Variants in PLXNA2 observed in about 807,000 individuals in gnomAD.
The protein encoded by PLXNA2 is plexin A2.
Under a neutral mutation model 193.5 loss-of-function variants are expected in PLXNA2, and 91 were observed. The ratio of observed to expected loss-of-function variants is 0.47; its 90% CI spans 0.40 to 0.56. The LOEUF (loss-of-function observed/expected upper bound fraction) is 0.56, where lower values mean the gene tolerates loss of function less well. PLXNA2 is among the 20% of genes least tolerant of loss of function. PLXNA2 has a pLI of 0.00. For synonymous variants in PLXNA2, 997 were observed against 1,027.3 expected, an observed-to-expected ratio of 0.97 and a Z score of 0.56; for missense variants, 1,995 against 2,503.2, an observed-to-expected ratio of 0.80 and a Z score of 4.33.
intron 4 of PLXNA2, among the ~76,000 whole-genome samples, chr1:208,107,510 G>A (rs1456274320): frequency 2.0e-5 from 3 of 152,110 alleles, no homozygotes; most frequent in African/African-American, 4.8e-5. Flanking sequence ...TCAAGCCTCC[G>A]CAGTCAGGAG....
At chr1:208,103,110 G>C (rs1291539300) in intron 5 of PLXNA2, 37 bp downstream of exon 5, 1 of 1,460,670 alleles carries the variant, frequency 6.8e-7, no homozygotes, top group Non-Finnish European at 9.6e-7. Context: ...CCGGTCTTCT[G>C]CATGCCAAAC....
At chr1:208,206,209 A>G (rs1343236161) in intron 3 of PLXNA2, among the ~76,000 whole-genome samples, 1 of 152,228 alleles carries the variant, frequency 6.6e-6, no homozygotes, top group African/African-American at 2.4e-5. Flanking sequence ...ACATCGATCC[A>G]GCTCTTGTTT....
intron 3 of PLXNA2, among the ~76,000 whole-genome samples, chr1:208,196,778 T>C (rs910077596): frequency 6.6e-6 from 1 of 152,156 alleles, no homozygotes; most frequent in African/African-American, 2.4e-5. Flanking sequence ...TTTGGAGAAA[T>C]TAATTTTATG....
At position 208,044,412 on chromosome 1, in the gene PLXNA2, C is replaced by T. The variant is rs551461019; in HGVS notation, c.3874+96G>A. 83 of 837,536 alleles carry T rather than the reference C, an allele frequency of 9.9e-5. 1 individual carries two copies. Among genetic ancestry groups the T allele is most frequent in the African/African-American group, 6.3e-4 (38 of 59,880 alleles). The allele number at this position is 837,536 out of a possible 1,614,324, so 51.9% of individuals were successfully genotyped here. ...TGGAATGCAGAGGCATGGCTGGCAG[C>T]GATGGGAGTAAAGATAGGAGTTGTC... On this transcript the variant is annotated intron_variant, in intron 20 of 31. Coordinates refer to ENST00000367033, the MANE Select transcript of PLXNA2 (RefSeq NM_025179.4). This position sits in a 1 kb window ranked among gnomAD's most constrained non-coding sequence, Gnocchi z 4.9.
chr1:208,114,493 A>G (rs1667579275), intron 4 of PLXNA2, among the ~76,000 whole-genome samples: 2 of 152,230 alleles, frequency 1.3e-5, no homozygotes, highest in Non-Finnish European at 2.9e-5. Context: ...AGCATTATCC[A>G]TAGGTGCCGG....
chr1:208,047,754 C>CA (rs1479055019), intron 17 of PLXNA2, among the ~76,000 whole-genome samples: 2 of 152,092 alleles, frequency 1.3e-5, no homozygotes, highest in East Asian at 3.8e-4. Context: ...TGTGAAATTG[C>CA]AAAAAAAGCT....
At chr1:208,138,229 G>A (rs1478024452) in intron 4 of PLXNA2, among the ~76,000 whole-genome samples, 1 of 152,146 alleles carries the variant, frequency 6.6e-6, no homozygotes, top group Non-Finnish European at 1.5e-5. Flanking sequence ...TATCCATGCA[G>A]CCACTCTCTC....
intron 20 of PLXNA2, 29 bp from the exon 21 acceptor site, chr1:208,043,232 G>A (rs557904637): frequency 3.4e-5 from 55 of 1,605,228 alleles, no homozygotes; most frequent in Middle Eastern, 1.7e-4. Flanking sequence ...GGAGAGGCTC[G>A]TGGGGAAGCC....
chr1:208,188,724 A>AAG (rs1572012911), intron 3 of PLXNA2, among the ~76,000 whole-genome samples: 1 of 151,294 alleles, frequency 6.6e-6, no homozygotes, highest in Admixed American at 6.6e-5. Flanking sequence ...AAAAAAAAAA[A>AAG]AAGAAAAAAA....
At position 208,044,935 on chromosome 1, in the gene PLXNA2, G is replaced by T; in HGVS notation, c.3639+132C>A. 8.5e-7 allele frequency: 1 copy of T among 1,177,982 alleles called. No individual in the cohort carries two copies. The highest frequency in any genetic ancestry group is 1.4e-5 in the South Asian group (1 of 71,292). The allele number at this position is 1,177,982 out of a possible 1,614,324, so 73.0% of individuals were successfully genotyped here. A position where few individuals can be genotyped will look rare whatever the true frequency, so the allele number is the denominator to read the frequency against. ...GTTCTCAGCTTATACCCAATTTGAT[G>T]TAGGACCCAGAGATGAGGAGATATG... On this transcript the variant is annotated intron_variant, in intron 19 of 31. Transcript: ENST00000367033. This position sits in a 1 kb window ranked among gnomAD's most constrained non-coding sequence, Gnocchi z 4.9.
At chr1:208,145,952 T>C (rs1467318978) in intron 3 of PLXNA2, among the ~76,000 whole-genome samples, 1 of 152,150 alleles carries the variant, frequency 6.6e-6, no homozygotes, top group Admixed American at 6.5e-5. Context: ...AAGAAGTCTG[T>C]GACTCCCCCC....
intron 4 of PLXNA2, among the ~76,000 whole-genome samples, chr1:208,107,460 C>G (rs1398291325): frequency 1.3e-5 from 2 of 152,078 alleles, no homozygotes; most frequent in African/African-American, 4.8e-5. Context: ...GAAATTGGTT[C>G]TAATCATTCT....
intron 12 of PLXNA2, among the ~76,000 whole-genome samples, chr1:208,061,296 G>A (rs1182833382): frequency 1.3e-5 from 2 of 152,130 alleles, no homozygotes; most frequent in African/African-American, 2.4e-5. Context: ...AAACCAGAGG[G>A]CTTTGTAATT....
rs1337310663 is a variant in PLXNA2, at chr1:208,028,757, G to A, written c.5438+73C>T. On this transcript the variant is annotated intron_variant, in intron 30 of 31. Transcript: ENST00000367033. This position sits in a 1 kb window ranked among gnomAD's most constrained non-coding sequence, Gnocchi z 4.2. ...ACAGACACCGTCGTCTGAGTCCTTA[G>A]TCAGTGATGACTATAGAGCGGGGAA... 5 of 1,381,316 alleles carry A rather than the reference G, an allele frequency of 3.6e-6. No homozygotes were observed. The highest frequency in any genetic ancestry group is 4.0e-6 in the Non-Finnish European group (4 of 993,440). 85.6% of individuals were successfully genotyped at this position (1,381,316 alleles called of 1,614,324 possible).
intron 12 of PLXNA2, among the ~76,000 whole-genome samples, chr1:208,062,234 C>T (rs970342688): frequency 3.3e-5 from 5 of 152,102 alleles, no homozygotes; most frequent in African/African-American, 9.7e-5. Flanking sequence ...GGAGGGTCAG[C>T]GTACCCTCAG....
At chr1:208,126,119 G>A (rs1667969023) in intron 4 of PLXNA2, among the ~76,000 whole-genome samples, 1 of 152,220 alleles carries the variant, frequency 6.6e-6, no homozygotes, top group Non-Finnish European at 1.5e-5. Context: ...GTTAGCAGCT[G>A]AGCCCAGCAG....
At chr1:208,173,840 C>A (rs1342635958) in intron 3 of PLXNA2, among the ~76,000 whole-genome samples, 1 of 152,212 alleles carries the variant, frequency 6.6e-6, no homozygotes, top group Non-Finnish European at 1.5e-5. Flanking sequence ...GAAGGATGAG[C>A]AGCACCAAGC....
At chr1:208,161,169 A>G (rs1036309079) in intron 3 of PLXNA2, among the ~76,000 whole-genome samples, 1 of 152,192 alleles carries the variant, frequency 6.6e-6, no homozygotes, top group African/African-American at 2.4e-5. Context: ...ATTTTGCTTC[A>G]GAAAACCAGT....
intron 3 of PLXNA2, among the ~76,000 whole-genome samples, chr1:208,203,003 G>T (rs1382256349): frequency 6.6e-6 from 1 of 152,166 alleles, no homozygotes; most frequent in Non-Finnish European, 1.5e-5. Flanking sequence ...TCCTTCCCTG[G>T]GGTCTGCTGG....
Sources: allele counts gnomAD v4.1 joint callset (sites outside exome capture counted in the v4.1 genomes callset), GRCh38; gene constraint gnomAD v4.1.1; non-coding constraint Gnocchi (gnomAD v3.1); transcripts MANE v1.5; gene names NCBI Gene and HGNC (gene_info 2026-07-23, HGNC 2026-07-21).